The following ATM variants were observed in gnomAD, a reference collection of about 807,000 sequenced individuals.
ATM encodes serine-protein kinase ATM.
Under a neutral mutation model 387.0 loss-of-function variants are expected in ATM, and 308 were observed. The observed-to-expected ratio is 0.80, with a 90% confidence interval of 0.73 to 0.87. The LOEUF is 0.87. Among genes scored for constraint, ATM ranks in the 40% least tolerant of loss-of-function variants. ATM has a pLI of 0.00. For synonymous variants in ATM, 1,156 were observed against 1,187.3 expected, an observed-to-expected ratio of 0.97 and a Z score of 0.54; for missense variants, 3,312 against 3,560.9, an observed-to-expected ratio of 0.93 and a Z score of 1.78.
rs1343175749 is a variant in ATM, at chr11:108,368,535, C to G, written c.*3027C>G. 4.6e-5 allele frequency: 10 copies of G among 216,994 alleles called. No homozygotes were observed. Among genetic ancestry groups the G allele is most frequent in the Non-Finnish European group, 8.3e-5 (9 of 108,054 alleles). 13.4% of individuals were successfully genotyped at this position (216,994 alleles called of 1,614,324 possible). ...ATTTGGAGAAATAAGTTGTCCAAGGCAAGAAGATAGTAAATTATAAGTACA... is the reference window on the plus strand; with the variant it reads ...ATTTGGAGAAATAAGTTGTCCAAGGGAAGAAGATAGTAAATTATAAGTACA... On this transcript the variant is annotated 3_prime_UTR_variant, in exon 63 of 63. Transcript: ENST00000675843.
At chr11:108,290,207 C>G in intron 29 of ATM, 1 of 155,360 alleles carries the variant, frequency 6.4e-6, no homozygotes, top group East Asian at 1.9e-4. Context: ...GAGGTAGATA[C>G]CAGAATGTTG....
chr11:108,248,765 G>A (rs1267803139), intron 8 of ATM, among the ~76,000 whole-genome samples, 168 bp from the exon 9 acceptor site: 1 of 151,892 alleles, frequency 6.6e-6, no homozygotes. Flanking sequence ...GTGCAAGCCT[G>A]TAATCCCAGC....
At chr11:108,270,696 T>TA (rs1282974809) in intron 18 of ATM, among the ~76,000 whole-genome samples, 1 of 151,784 alleles carries the variant, frequency 6.6e-6, no homozygotes, top group South Asian at 2.1e-4. Flanking sequence ...TTTATATACT[T>TA]AAAAAAAATT....
At chr11:108,303,119 T>C (rs1185372926) in intron 36 of ATM, 90 bp downstream of exon 36, 5 of 1,247,118 alleles carry the variant, frequency 4.0e-6, no homozygotes, top group Admixed American at 1.9e-5. Context: ...CTTCACATAA[T>C]ATCACCCCCA....
chr11:108,260,383 T>A (rs1015595804), intron 16 of ATM, among the ~76,000 whole-genome samples: 1 of 152,184 alleles, frequency 6.6e-6, no homozygotes, highest in Non-Finnish European at 1.5e-5. Flanking sequence ...TTCTAGTTTT[T>A]TGGGTTACAA....
chr11:108,362,856 G>A (rs1173187592), intron 61 of ATM, among the ~76,000 whole-genome samples: 3 of 150,530 alleles, frequency 2.0e-5, no homozygotes, highest in East Asian at 3.9e-4. Flanking sequence ...GCTAGATGAC[G>A]AGTTAGTGGG....
At chr11:108,338,406 G>A (rs2087095006) in intron 56 of ATM, among the ~76,000 whole-genome samples, 2 of 152,266 alleles carry the variant, frequency 1.3e-5, no homozygotes, top group Non-Finnish European at 2.9e-5. Context: ...TGTAATCTCA[G>A]CACTTTGAGA....
chr11:108,364,722 T>C (rs1056804203), intron 61 of ATM, among the ~76,000 whole-genome samples: 8 of 152,202 alleles, frequency 5.3e-5, no homozygotes, highest in African/African-American at 1.9e-4. Context: ...TGAGACAGCC[T>C]GGGCTGAGGA....
Position 108,329,075 on chromosome 11 carries a change from G to A in ATM, c.7144G>A (p.Gly2382Arg), listed in dbSNP as rs2136413410. The A allele has an allele frequency of 6.2e-7, 1 of 1,613,964 alleles. No homozygotes were observed. Among genetic ancestry groups the A allele is most frequent in the South Asian group, 1.1e-5 (1 of 91,072 alleles). The change falls in exon 49 of 63, where the codon GGA (glycine) becomes AGA (arginine). Residue 2382 changes from glycine to arginine, a missense_variant. Around this residue, in one of 4 missense-constraint regions of ATM, gnomAD observed 1,405 missense variants for 1,604.4 expected, o/e 0.88. Transcript: ENST00000675843. ...DGESSDELRNGKMKAFLSLAR... is the reference protein window; with the variant it reads ...DGESSDELRNRKMKAFLSLAR... The stretch of plus-strand genomic sequence containing the variant: ...AGAAAGTAGTGATGAGCTAAGAAAT[G>A]GAAAAATGAAGGCATTTCTCTCATT...
chr11:108,267,281 C>T lies in ATM; in HGVS notation c.2577C>T (p.Asn859=), dbSNP rs730881286. Residue 859 remains asparagine, a synonymous_variant, in exon 17 of 63, where the codon AAC becomes AAT. Coordinates refer to ENST00000675843, the MANE Select transcript of ATM (RefSeq NM_000051.4). ...ATCAGTCATCCATGAATCTATTTAACGATTACCCTGATAGTAGTGTTAGTG... is the reference window on the plus strand; with the variant it reads ...ATCAGTCATCCATGAATCTATTTAATGATTACCCTGATAGTAGTGTTAGTG... ...VEDQSSMNLF[N]DYPDSSVSDA... is the part of the protein sequence containing the mutation. 19 of 1,613,912 alleles carry T rather than the reference C, an allele frequency of 1.2e-5. No individual in the cohort carries two copies. Among genetic ancestry groups the T allele is most frequent in the African/African-American group, 2.7e-5 (2 of 74,892 alleles).
In ATM at chr11:108,365,604, A is replaced by G; in HGVS notation, c.*96A>G. On this transcript the variant is annotated 3_prime_UTR_variant, in exon 63 of 63. Coordinates refer to ENST00000675843, the MANE Select transcript of ATM (RefSeq NM_000051.4). ...CAACATACTTTAAGTAGGGATTAAT[A>G]TTTAAGTGAACTATTGTGGGTTTTT... is the stretch of plus-strand genomic sequence containing the variant. 1 of 1,411,214 alleles carries G rather than the reference A, an allele frequency of 7.1e-7. No homozygotes were observed. The highest frequency in any genetic ancestry group is 2.5e-5 in the East Asian group (1 of 40,276). The allele number at this position is 1,411,214 out of a possible 1,614,324, so 87.4% of individuals were successfully genotyped here.
chr11:108,329,652 C>T (rs549779661), intron 49 of ATM, among the ~76,000 whole-genome samples: 1 of 152,282 alleles, frequency 6.6e-6, no homozygotes, highest in Middle Eastern at 3.4e-3. Flanking sequence ...CTCAAACGAT[C>T]TGCCCACCTT....
intron 8 of ATM, among the ~76,000 whole-genome samples, chr11:108,247,628 C>T (rs2079918897): frequency 6.6e-6 from 1 of 152,116 alleles, no homozygotes; most frequent in South Asian, 2.1e-4. Context: ...TGGAGTCTTG[C>T]TCTGTCACCC....
Position 108,272,735 on chromosome 11 carries a change from C to T in ATM, c.3167C>T (p.Ser1056Leu). Residue 1056 changes from serine to leucine, a missense_variant, in exon 22 of 63, where the codon TCA becomes TTA. Physicochemically the swap from Ser to Leu is moderately radical, Grantham distance 145 (BLOSUM62 -2). Around this residue, in one of 4 missense-constraint regions of ATM, gnomAD observed 1,791 missense variants for 1,804.5 expected, o/e 0.99. Coordinates refer to ENST00000675843, the MANE Select transcript of ATM (RefSeq NM_000051.4). ...CTTTTCCCGTAGGCTGATCCTTATT[C>T]AAAATGGGCCATTCTTAATGTAATG... ...LKTLLEADPY[S>L]KWAILNVMGK... 6.2e-7 allele frequency: 1 copy of T among 1,613,920 alleles called. No individual in the cohort carries two copies. Among genetic ancestry groups the T allele is most frequent in the Non-Finnish European group, 8.5e-7 (1 of 1,179,940 alleles).
intron 57 of ATM, among the ~76,000 whole-genome samples, chr11:108,345,270 G>A (rs1358607264): frequency 1.3e-5 from 2 of 152,224 alleles, no homozygotes; most frequent in Non-Finnish European, 2.9e-5. Context: ...ATGGAAGGGA[G>A]TTGAAGTCGG....
rs761397203 is a variant in ATM, at chr11:108,253,973, C to G, written c.2058C>G (p.Leu686=). The part of the protein sequence containing the change: ...SSIGFSVHQN[L]KESLDRCLLG... ...TTGGCTTCTCTGTCCACCAGAATCTCAAGGAATCACTGGATCGCTGTCTTC... is the reference window on the plus strand; with the variant it reads ...TTGGCTTCTCTGTCCACCAGAATCTGAAGGAATCACTGGATCGCTGTCTTC... Residue 686 remains leucine (L), a synonymous_variant, in exon 13 of 63, where the codon CTC becomes CTG. Transcript: ENST00000675843. 6.2e-7 allele frequency: 1 copy of G among 1,613,908 alleles called. No individual in the cohort carries two copies. Among genetic ancestry groups the G allele is most frequent in the Non-Finnish European group, 8.5e-7 (1 of 1,179,988 alleles).
chr11:108,276,620 C>T (rs2081964036), intron 22 of ATM, among the ~76,000 whole-genome samples: 1 of 152,186 alleles, frequency 6.6e-6, no homozygotes, highest in Non-Finnish European at 1.5e-5. Flanking sequence ...AGTCAGGCCC[C>T]TCTGCTGCAG....
At chr11:108,250,516 A>C (rs1023232586) in intron 9 of ATM, among the ~76,000 whole-genome samples, 185 bp from the exon 10 acceptor site, 1 of 152,098 alleles carries the variant, frequency 6.6e-6, no homozygotes, top group Admixed American at 6.6e-5. Flanking sequence ...AACGTTGACA[A>C]TTTTCCTGCC....
rs786204217 is a variant in ATM at position 108,272,534 on chromosome 11, A to G, written c.3080A>G (p.His1027Arg). Residue 1027 changes from histidine to arginine, a missense_variant and splice_region_variant, in exon 21 of 63, where the codon CAT becomes CGT. By Grantham distance (29) the His-to-Arg change is conservative. Transcript: ENST00000675843. ...QFLTVIGAFW[H>R]LTKERKYIFS... ...TTGGAAAACTTACTTGATTTCAGGCATCTAACAAAGGAGAGGAAATATATA... is the reference window on the plus strand; with the variant it reads ...TTGGAAAACTTACTTGATTTCAGGCGTCTAACAAAGGAGAGGAAATATATA... The G allele has an allele frequency of 6.2e-6, 10 of 1,610,692 alleles. No individual in the cohort carries two copies. Among genetic ancestry groups the G allele is most frequent in the Non-Finnish European group, 7.6e-6 (9 of 1,176,954 alleles).
Sources: allele counts gnomAD v4.1 joint callset (sites outside exome capture counted in the v4.1 genomes callset), GRCh38; gene constraint gnomAD v4.1.1; regional missense constraint gnomAD v4.1.1; transcripts MANE v1.5; gene names NCBI Gene and HGNC (gene_info 2026-07-23, HGNC 2026-07-21).